The following VPS13C variants were observed in gnomAD, a reference collection of about 807,000 sequenced individuals.
VPS13C encodes the protein vacuolar protein sorting 13 homolog C, also known as intermembrane lipid transfer protein VPS13C.
Under a neutral mutation model 456.8 loss-of-function variants are expected in VPS13C, and 358 were observed. The observed-to-expected ratio is 0.78, with a 90% CI of 0.72 to 0.86. VPS13C has a LOEUF of 0.86. VPS13C is among the 40% of genes least tolerant of loss of function. VPS13C has a pLI of 0.00. For missense variants in VPS13C, 4,818 were observed against 4,385.4 expected, an observed-to-expected ratio of 1.10 and a Z score of -2.79; for synonymous variants, 1,578 against 1,486.7, an observed-to-expected ratio of 1.06 and a Z score of -1.41.
chr15:61,903,424 C>G (rs1007517086), intron 66 of VPS13C, among the ~76,000 whole-genome samples: 1 of 151,020 alleles, frequency 6.6e-6, no homozygotes, highest in Non-Finnish European at 1.5e-5. Flanking sequence ...ACAAAAGCTA[C>G]AAAAAATATA....
intron 67 of VPS13C, among the ~76,000 whole-genome samples, chr15:61,889,375 T>C (rs1471830308): frequency 2.0e-5 from 3 of 152,048 alleles, no homozygotes; most frequent in Non-Finnish European, 4.4e-5. Context: ...TAACCATTAG[T>C]TTCTCAGGTG....
At chr15:62,042,859 T>C (rs1335499303) in intron 2 of VPS13C, among the ~76,000 whole-genome samples, 2 of 151,744 alleles carry the variant, frequency 1.3e-5, no homozygotes, top group African/African-American at 4.8e-5. Flanking sequence ...GGCACATGTA[T>C]ACATAGGTAA....
intron 64 of VPS13C, among the ~76,000 whole-genome samples, chr15:61,909,486 C>A (rs777678504): frequency 6.6e-6 from 1 of 152,188 alleles, no homozygotes; most frequent in Admixed American, 6.5e-5. Context: ...GGATTACAGG[C>A]GTGAGCCTCT....
rs1319479247 is a variant in VPS13C at position 62,059,946 on chromosome 15, T to C, written c.100+329A>G. Among the ~76,000 whole-genome samples the C allele has an allele frequency of 3.3e-5, 5 of 152,284 alleles. No homozygotes were observed. The East Asian group carries it at 5.8e-4, about 18-fold the overall frequency. On this transcript the variant is annotated intron_variant, in intron 1 of 84. Transcript: ENST00000644861. ...CAGAAAGGGCTCTGTTTTTATGCTG[T>C]AGGGCCAAAGGGGCCACCCTGAGTG...
At chr15:61,897,710 T>C (rs1198913230) in intron 66 of VPS13C, among the ~76,000 whole-genome samples, 1 of 152,100 alleles carries the variant, frequency 6.6e-6, no homozygotes, top group East Asian at 1.9e-4. Context: ...TTCCCCAATC[T>C]AGTAAGACAG....
chr15:62,056,837 G>C (rs934778906), intron 1 of VPS13C, among the ~76,000 whole-genome samples: 2 of 152,184 alleles, frequency 1.3e-5, no homozygotes. Flanking sequence ...CTTTCTCTCT[G>C]TCTCCTCTCT....
At chr15:62,016,221 A>C (rs2047241702) in intron 9 of VPS13C, among the ~76,000 whole-genome samples, 1 of 151,056 alleles carries the variant, frequency 6.6e-6, no homozygotes, top group Non-Finnish European at 1.5e-5. Context: ...TCATAAGGCA[A>C]ACTTGTCTGG....
At chr15:62,030,366 G>A (rs990803637) in intron 5 of VPS13C, among the ~76,000 whole-genome samples, 2 of 152,090 alleles carry the variant, frequency 1.3e-5, no homozygotes, top group African/African-American at 2.4e-5. Context: ...CTGATGTGAA[G>A]TGACTGGATC....
chr15:61,867,072 T>A lies in VPS13C; in HGVS notation c.10863+1587A>T. ...GATTATAATTATTTTTTCTCTAAGA[T>A]AATAAACCCTCTCTAAGGATTTAAA... On this transcript the variant is annotated intron_variant, in intron 81 of 84. Coordinates refer to ENST00000644861, the MANE Select transcript of VPS13C (RefSeq NM_020821.3). The surrounding 1 kb of genome is among the most constrained non-coding windows in gnomAD (Gnocchi z 5.0). 2.2e-6 allele frequency: 2 copies of A among 930,084 alleles called. No homozygotes were observed. The highest frequency in any genetic ancestry group is 2.6e-6 in the Non-Finnish European group (2 of 779,382). 57.6% of individuals were successfully genotyped at this position (930,084 alleles called of 1,614,324 possible).
At position 61,967,245 on chromosome 15, in the gene VPS13C, T is replaced by C. The variant is rs529076441; in HGVS notation, c.2991+123A>G. 5.6e-4 allele frequency: 429 copies of C among 764,950 alleles called. 10 individuals are homozygous for C. The South Asian group carries it at 7.5e-3, about 13-fold the overall frequency. 47.4% of individuals were successfully genotyped at this position (764,950 alleles called of 1,614,324 possible). Reference sequence around the variant, plus strand: ...GTGTACAAATGAAAAAAGAAACAGATTTCCCTCTAATTAGAAACTGTGATA... The same window carrying C: ...GTGTACAAATGAAAAAAGAAACAGACTTCCCTCTAATTAGAAACTGTGATA... On this transcript the variant is annotated intron_variant, in intron 29 of 84. Coordinates refer to ENST00000644861, the MANE Select transcript of VPS13C (RefSeq NM_020821.3).
chr15:61,921,980 C>G lies in VPS13C; in HGVS notation c.7029G>C (p.Val2343=). 6.2e-7 allele frequency: 1 copy of G among 1,613,574 alleles called. No individual in the cohort carries two copies. The highest frequency in any genetic ancestry group is 8.5e-7 in the Non-Finnish European group (1 of 1,179,640). Residue 2343 remains valine, a synonymous_variant, in exon 55 of 85, where the codon GTG becomes GTC. Transcript: ENST00000644861. The part of the protein sequence containing the change: ...HAVWEPLIER[V]EGKRQWNLRL... ...TTAAATTCCATTGTCTCTTCCCCTC[C>G]ACTCTCTCAATCAGTGGCTCCCAGA...
At chr15:62,001,437 T>G (rs1245309770) in intron 15 of VPS13C, among the ~76,000 whole-genome samples, 1 of 152,234 alleles carries the variant, frequency 6.6e-6, no homozygotes, top group Non-Finnish European at 1.5e-5. Context: ...ATAACTGAAA[T>G]CATAAGACAT....
chr15:61,906,908 A>G, intron 66 of VPS13C: 1 of 225,156 alleles, frequency 4.4e-6, no homozygotes, highest in South Asian at 6.5e-5. Flanking sequence ...TTAGGAAAAC[A>G]AGCTTTAAAA....
At chr15:62,016,317 A>G (rs1013103984) in intron 9 of VPS13C, among the ~76,000 whole-genome samples, 1 of 151,934 alleles carries the variant, frequency 6.6e-6, no homozygotes, top group African/African-American at 2.4e-5. Context: ...ACATGTGCAC[A>G]ACGTGCAGAT....
At chr15:61,939,679 A>G (rs1299210995) in intron 47 of VPS13C, among the ~76,000 whole-genome samples, 1 of 152,120 alleles carries the variant, frequency 6.6e-6, no homozygotes, top group Non-Finnish European at 1.5e-5. Context: ...CTGATATGCA[A>G]CCTTCTAGCT....
chr15:61,878,931 T>C (rs111564776), intron 73 of VPS13C, among the ~76,000 whole-genome samples, 185 bp from the exon 74 acceptor site: 1,632 of 152,202 alleles, frequency 0.011, 45 homozygotes, highest in Non-Finnish European at 0.01. Context: ...TGCTTTTTGA[T>C]AGAATACAAA....
chr15:61,860,669 T>A (rs890023736), intron 82 of VPS13C, among the ~76,000 whole-genome samples: 1 of 152,162 alleles, frequency 6.6e-6, no homozygotes, highest in Admixed American at 6.5e-5. Context: ...GGGAAGATGA[T>A]GACAGTATAT....
chr15:62,014,132 T>C (rs560261850), intron 9 of VPS13C, 140 bp from the exon 10 acceptor site: 2 of 491,476 alleles, frequency 4.1e-6, no homozygotes, highest in African/African-American at 2.0e-5. Flanking sequence ...TCTATTTCTT[T>C]ACATATATTT....
At chr15:62,060,226 G>A in intron 1 of VPS13C, 49 bp downstream of exon 1, 2 of 1,131,068 alleles carry the variant, frequency 1.8e-6, no homozygotes, top group Non-Finnish European at 2.6e-6. Flanking sequence ...AGCAGCCCTC[G>A]GCTGGGCCCT....
Sources: gnomAD v4.1 joint callset for allele counts (sites outside exome capture counted in the v4.1 genomes callset) on GRCh38, gnomAD v4.1.1 for gene constraint, Gnocchi (gnomAD v3.1) non-coding constraint, MANE v1.5 for transcripts, NCBI Gene and HGNC (gene_info 2026-07-23, HGNC 2026-07-21) for gene names.